The following CC2D2B variants were observed in gnomAD, a reference collection of about 807,000 sequenced individuals.
The protein encoded by CC2D2B is protein CC2D2B.
CC2D2B carries 128 observed loss-of-function variants against 161.2 expected under a neutral mutation model. The observed-to-expected ratio is 0.79, with a 90% confidence interval of 0.69 to 0.92. The LOEUF (loss-of-function observed/expected upper bound fraction) is 0.92. Among genes scored for constraint, CC2D2B ranks in the 40% least tolerant of loss-of-function variants. CC2D2B has a pLI of 0.00. For synonymous variants in CC2D2B, 391 were observed against 449.8 expected, an observed-to-expected ratio of 0.87 and a Z score of 1.65; for missense variants, 1,173 against 1,375.1, an observed-to-expected ratio of 0.85 and a Z score of 2.32.
At chr10:95,907,774 TCA>T (rs2098498563), upstream of CC2D2B, 1 of 152,320 alleles carries the variant, frequency 6.6e-6, no homozygotes, top group African/African-American at 2.4e-5. Flanking sequence ...ACGCTACAAC[TCA>T]CACGCTCACG....
chr10:95,988,372 C>T (rs142168893), intron 20 of CC2D2B, 30 bp downstream of exon 20: 42 of 1,091,568 alleles, frequency 3.8e-5, no homozygotes, highest in African/African-American at 3.2e-4. Context: ...AATATATTTG[C>T]ATTTGTTTTT....
chr10:95,988,817 A>C (rs1197400541), intron 20 of CC2D2B, among the ~76,000 whole-genome samples: 3 of 152,202 alleles, frequency 2.0e-5, no homozygotes, highest in African/African-American at 7.2e-5. Context: ...AGTCTTAACC[A>C]GGTTTGAGTG....
intron 6 of CC2D2B, among the ~76,000 whole-genome samples, chr10:95,933,832 T>C (rs57294882): frequency 0.27 from 40,810 of 152,030 alleles, 6,404 homozygotes; most frequent in Admixed American, 0.37. Flanking sequence ...TGCTGGGAAG[T>C]GTCTCCCAGT....
At chr10:95,974,265 C>T (rs10509696) in intron 17 of CC2D2B, 109 bp downstream of exon 17, 246,785 of 497,348 alleles carry the variant, frequency 0.5, 64,229 homozygotes, top group Admixed American at 0.56. Context: ...AGAGTTTAGT[C>T]TATTTGAATG....
chr10:95,961,906 A>G lies in CC2D2B; in HGVS notation c.1187A>G (p.Gln396Arg). 1 of 1,231,568 alleles carries G rather than the reference A, an allele frequency of 8.1e-7. No homozygotes were observed. The highest frequency in any genetic ancestry group is 3.2e-5 in the East Asian group (1 of 31,672). 76.3% of individuals were successfully genotyped at this position (1,231,568 alleles called of 1,614,324 possible). A position where few individuals can be genotyped will look rare whatever the true frequency, so the allele number is the denominator to read the frequency against. ...LLHSILRTWK[Q>R]IKSLRHGQGF... ...CACAGTATATTACGAACTTGGAAAC[A>G]GATTAAATCTCTTCGACATGGGCAA... is the stretch of plus-strand genomic sequence containing the variant. Residue 396 changes from glutamine (Q) to arginine (R), a missense_variant, in exon 12 of 35, where the codon CAG becomes CGG. Gln to Arg is a conservative substitution (Grantham distance 43). Transcript: ENST00000646931.
chr10:96,004,767 T>C (rs544759299), intron 25 of CC2D2B, among the ~76,000 whole-genome samples: 1 of 152,322 alleles, frequency 6.6e-6, no homozygotes, highest in South Asian at 2.1e-4. Flanking sequence ...ACTATTGAAC[T>C]TGCTACTAAA....
intron 20 of CC2D2B, among the ~76,000 whole-genome samples, 194 bp from the exon 21 acceptor site, chr10:95,991,176 T>G (rs1477443031): frequency 1.3e-5 from 2 of 152,210 alleles, no homozygotes; most frequent in African/African-American, 4.8e-5. Context: ...CTAGCTTTGG[T>G]GTGACAGTGT....
intron 9 of CC2D2B, among the ~76,000 whole-genome samples, chr10:95,944,898 T>A (rs2076144229): frequency 6.6e-6 from 1 of 152,194 alleles, no homozygotes; most frequent in South Asian, 2.1e-4. Context: ...TTTGAATGTG[T>A]CTCCTCTAAA....
intron 25 of CC2D2B, among the ~76,000 whole-genome samples, chr10:96,005,091 G>A (rs1406167482): frequency 6.6e-6 from 1 of 152,166 alleles, no homozygotes; most frequent in Non-Finnish European, 1.5e-5. Context: ...AAAATATTGA[G>A]CAATAATTTG....
chr10:96,002,412 TA>T (rs1002891380), intron 24 of CC2D2B, among the ~76,000 whole-genome samples: 9 of 152,258 alleles, frequency 5.9e-5, no homozygotes, highest in South Asian at 4.1e-4. Context: ...ATTAGCTCCA[TA>T]AGCCCTTTCT....
intron 15 of CC2D2B, among the ~76,000 whole-genome samples, chr10:95,969,275 C>T (rs1055810008): frequency 6.6e-6 from 1 of 152,128 alleles, no homozygotes; most frequent in African/African-American, 2.4e-5. Context: ...GACTTGGTGG[C>T]TTCAGTCTCT....
intron 26 of CC2D2B, among the ~76,000 whole-genome samples, chr10:96,010,619 A>T (rs2078948064): frequency 1.3e-5 from 2 of 152,164 alleles, no homozygotes. Context: ...GGAGTACTTT[A>T]CTGTTCCTGG....
At chr10:96,030,271 G>C (rs1273218194) in intron 34 of CC2D2B, among the ~76,000 whole-genome samples, 4 of 151,866 alleles carry the variant, frequency 2.6e-5, no homozygotes, top group African/African-American at 9.7e-5. Flanking sequence ...CTCAAACTCA[G>C]CAAGTCCATA....
intron 11 of CC2D2B, among the ~76,000 whole-genome samples, chr10:95,955,752 A>T (rs1239241603): frequency 6.6e-6 from 1 of 152,146 alleles, no homozygotes; most frequent in East Asian, 1.9e-4. Flanking sequence ...GTACTTTGAA[A>T]TTGACTTGGA....
chr10:95,930,970 C>T (rs2098549046), intron 6 of CC2D2B, among the ~76,000 whole-genome samples: 1 of 152,150 alleles, frequency 6.6e-6, no homozygotes, highest in African/African-American at 2.4e-5. Context: ...ATATCAGCTC[C>T]TCTTTGTATC....
At chr10:95,999,036 G>A (rs753888771) in intron 24 of CC2D2B, among the ~76,000 whole-genome samples, 7 of 152,024 alleles carry the variant, frequency 4.6e-5, no homozygotes, top group Non-Finnish European at 7.4e-5. Context: ...AACAGAGATC[G>A]CGCCACTGCA....
chr10:95,946,582 A>G (rs1194928902), intron 9 of CC2D2B, among the ~76,000 whole-genome samples: 1 of 152,096 alleles, frequency 6.6e-6, no homozygotes, highest in Non-Finnish European at 1.5e-5. Flanking sequence ...AATTGTCTAA[A>G]TCTCTCAGGT....
chr10:96,013,137 T>C (rs1357916690), intron 28 of CC2D2B, among the ~76,000 whole-genome samples: 1 of 152,214 alleles, frequency 6.6e-6, no homozygotes, highest in East Asian at 1.9e-4. Flanking sequence ...TAATGGCACA[T>C]AAATGGCAGC....
chr10:96,019,140 A>T, intron 30 of CC2D2B, 63 bp from the exon 31 acceptor site: 1 of 1,360,778 alleles, frequency 7.3e-7, no homozygotes, highest in Non-Finnish European at 1.0e-6. Flanking sequence ...TCATCACAGT[A>T]TAATTTCCAT....
Sources: gnomAD v4.1 joint callset for allele counts (sites outside exome capture counted in the v4.1 genomes callset) on GRCh38, gnomAD v4.1.1 for gene constraint, MANE v1.5 for transcripts, NCBI Gene and HGNC (gene_info 2026-07-23, HGNC 2026-07-21) for gene names.